CNTLN: variants seen among roughly 807,000 people sequenced by gnomAD.
CNTLN encodes centlein, also known as centlein, centrosomal protein.
Under a neutral mutation model 180.0 loss-of-function variants are expected in CNTLN, and 212 were observed. That is an observed-to-expected ratio of 1.18 (90% confidence interval 1.05 to 1.32). CNTLN has a LOEUF of 1.32. CNTLN is among the 40% of genes most tolerant of loss of function. CNTLN has a pLI of 0.00. For synonymous variants in CNTLN, 722 were observed against 563.1 expected (o/e 1.28, Z -3.99); for missense variants, 2,095 against 1,610.9 (o/e 1.30, Z -5.14).
In CNTLN at chr9:17,342,361, A is replaced by G. The variant is rs370801341; in HGVS notation, c.1803A>G (p.Gln601=). Residue 601 remains glutamine (Q), a synonymous_variant, in exon 12 of 26, where the codon CAA becomes CAG. Coordinates refer to ENST00000380647, the MANE Select transcript of CNTLN (RefSeq NM_017738.4). ...EIRKIKRADP[Q]QLRQEDSDAV... is the part of the protein sequence containing the mutation. ...GGAAAATAAAGAGAGCAGATCCCCA[A>G]CAACTTCGACAAGAAGATTCTGACG... 1.7e-5 allele frequency: 27 copies of G among 1,612,298 alleles called. No individual in the cohort carries two copies. In the African/African-American group the frequency reaches 1.9e-4, roughly 11 times the overall value.
chr9:17,343,069 G>C (rs888943845), intron 12 of CNTLN, among the ~76,000 whole-genome samples: 1 of 152,206 alleles, frequency 6.6e-6, no homozygotes, highest in African/African-American at 2.4e-5. Context: ...GCTTACTGCT[G>C]ATTTTTCCAC....
intron 2 of CNTLN, among the ~76,000 whole-genome samples, chr9:17,217,598 C>T (rs1038058009): frequency 1.3e-5 from 2 of 152,214 alleles, no homozygotes; most frequent in African/African-American, 4.8e-5. Context: ...GATGTTAAAA[C>T]AGTCTGTTCT....
chr9:17,360,893 C>T (rs1564028488), intron 12 of CNTLN, among the ~76,000 whole-genome samples: 2 of 152,016 alleles, frequency 1.3e-5, no homozygotes, highest in African/African-American at 4.8e-5. Flanking sequence ...ATTTGTTTTG[C>T]TGTTGTTGGG....
chr9:17,157,424 G>A (rs1819371341), intron 2 of CNTLN, among the ~76,000 whole-genome samples: 1 of 152,166 alleles, frequency 6.6e-6, no homozygotes, highest in South Asian at 2.1e-4. Flanking sequence ...CAAGGTGAAG[G>A]TAGAGAAAGG....
chr9:17,411,692 A>T (rs1827855093), intron 16 of CNTLN, among the ~76,000 whole-genome samples: 1 of 152,158 alleles, frequency 6.6e-6, no homozygotes, highest in Admixed American at 6.5e-5. Flanking sequence ...TGAACTGCAC[A>T]TGCAAGGGAT....
At chr9:17,168,343 TGTTA>T (rs1820217355) in intron 2 of CNTLN, 1 of 152,170 alleles carries the variant, frequency 6.6e-6, no homozygotes, top group South Asian at 2.1e-4. Context: ...TCTTTCTTGA[TGTTA>T]GTTAGCAAAG....
chr9:17,392,810 G>A (rs1312403033), intron 14 of CNTLN, among the ~76,000 whole-genome samples: 1 of 151,420 alleles, frequency 6.6e-6, no homozygotes, highest in African/African-American at 2.4e-5. Flanking sequence ...AAAAAAAAAG[G>A]GTAATATAGA....
chr9:17,154,825 A>G (rs990485873), intron 2 of CNTLN, among the ~76,000 whole-genome samples: 1 of 152,354 alleles, frequency 6.6e-6, no homozygotes, highest in East Asian at 1.9e-4. Context: ...AAATAAGGGA[A>G]TAAAAGCTGG....
chr9:17,257,547 G>A (rs1285372798), intron 5 of CNTLN, among the ~76,000 whole-genome samples: 5 of 151,334 alleles, frequency 3.3e-5, no homozygotes, highest in East Asian at 3.9e-4. Flanking sequence ...CTGAGGAATC[G>A]CCACACTGAC....
intron 5 of CNTLN, among the ~76,000 whole-genome samples, chr9:17,249,342 A>ATT (rs1825989969): frequency 1.9e-4 from 20 of 107,868 alleles, no homozygotes; most frequent in South Asian, 1.2e-3. Context: ...TGGTTCTTTG[A>ATT]TTGTTTTTTT....
At chr9:17,211,487 G>A (rs1223353291) in intron 2 of CNTLN, among the ~76,000 whole-genome samples, 19 of 152,242 alleles carry the variant, frequency 1.2e-4, no homozygotes, top group South Asian at 2.1e-4. Flanking sequence ...GTCAGGTAGC[G>A]TGATTCCTCC....
chr9:17,194,302 C>T (rs59433459), intron 2 of CNTLN, among the ~76,000 whole-genome samples: 2,848 of 152,266 alleles, frequency 0.019, 59 homozygotes, highest in African/African-American at 0.049. Flanking sequence ...TTAGGCTGCA[C>T]ATTTTTCTAA....
chr9:17,366,024 G>A (rs1823790792), intron 12 of CNTLN, among the ~76,000 whole-genome samples: 1 of 152,156 alleles, frequency 6.6e-6, no homozygotes. Flanking sequence ...TGTTTAGCAT[G>A]TTTATTGAGA....
chr9:17,170,367 G>A (rs1174341318), intron 2 of CNTLN, among the ~76,000 whole-genome samples: 1 of 151,906 alleles, frequency 6.6e-6, no homozygotes, highest in Non-Finnish European at 1.5e-5. Flanking sequence ...TTCTAATTTG[G>A]ATGGCCTTTC....
intron 12 of CNTLN, among the ~76,000 whole-genome samples, chr9:17,344,710 T>TA (rs1821741362): frequency 6.6e-6 from 1 of 152,222 alleles, no homozygotes; most frequent in Non-Finnish European, 1.5e-5. Context: ...ATATCAGTGC[T>TA]ATAGTCATTC....
At chr9:17,461,515 A>T (rs1831448167) in intron 19 of CNTLN, among the ~76,000 whole-genome samples, 1 of 151,758 alleles carries the variant, frequency 6.6e-6, no homozygotes, top group Admixed American at 6.6e-5. Flanking sequence ...TCATGTAAAA[A>T]TTAAAATTAT....
intron 2 of CNTLN, among the ~76,000 whole-genome samples, chr9:17,180,439 A>G (rs1019806542): frequency 2.0e-5 from 3 of 150,416 alleles, no homozygotes; most frequent in African/African-American, 7.3e-5. Context: ...TGACATTTAT[A>G]ATAGAAACCT....
chr9:17,152,250 G>A lies in CNTLN; in HGVS notation c.449+8874G>A, dbSNP rs141368937. Among the ~76,000 whole-genome samples the A allele has an allele frequency of 4.0e-3, 615 of 152,228 alleles. 1 individual carries two copies. Among genetic ancestry groups the A allele is most frequent in the African/African-American group, 0.014 (562 of 41,534 alleles). On this transcript the variant is annotated intron_variant, in intron 2 of 25. Transcript: ENST00000380647. The stretch of plus-strand genomic sequence containing the variant: ...CTTCTCTAGTCCTTTTAATTGTGAT[G>A]TTAGGGTGTCAATTTTAGATCTTTC...
chr9:17,484,259 TTAATA>T, intron 23 of CNTLN, 31 bp from the exon 24 acceptor site: 2 of 1,513,276 alleles, frequency 1.3e-6, no homozygotes, highest in Non-Finnish European at 1.8e-6. Context: ...CATTATGACT[TTAATA>T]TAAGCTCAAT....
Sources: gnomAD v4.1 joint callset for allele counts (sites outside exome capture counted in the v4.1 genomes callset) on GRCh38, gnomAD v4.1.1 for gene constraint, MANE v1.5 for transcripts, NCBI Gene and HGNC (gene_info 2026-07-23, HGNC 2026-07-21) for gene names.